Variants in PPP1R12A observed in about 807,000 individuals in gnomAD.
PPP1R12A encodes myosin binding subunit.
PPP1R12A carries 19 observed loss-of-function variants against 139.6 expected under a neutral mutation model. The observed-to-expected ratio is 0.14, with a 90% CI of 0.09 to 0.20. PPP1R12A has a LOEUF of 0.20. Among genes scored for constraint, PPP1R12A ranks in the 10% least tolerant of loss-of-function variants. The pLI is 1.00. For missense variants in PPP1R12A, 925 were observed against 1,211.5 expected, an observed-to-expected ratio of 0.76 and a Z score of 3.51; for synonymous variants, 427 against 420.6, an observed-to-expected ratio of 1.02 and a Z score of -0.19.
At chr12:79,818,976 A>G (rs1262557456) in intron 8 of PPP1R12A, 2 of 152,202 alleles carry the variant, frequency 1.3e-5, no homozygotes, top group Non-Finnish European at 2.9e-5. Flanking sequence ...AGCCTAGCTG[A>G]TATTAAGAGA....
chr12:79,780,360 G>C (rs989460163), intron 23 of PPP1R12A: 20 of 152,050 alleles, frequency 1.3e-4, no homozygotes, highest in African/African-American at 4.8e-4. Context: ...ATTATAGAGA[G>C]TGGATTAGCT....
chr12:79,885,475 A>T (rs114223540), intron 1 of PPP1R12A, among the ~76,000 whole-genome samples: 1,809 of 152,278 alleles, frequency 0.012, 36 homozygotes, highest in African/African-American at 0.042. Context: ...AAGAATTGTC[A>T]AATATTCCTT....
chr12:79,779,327 G>T (rs1453015880), intron 23 of PPP1R12A: 3 of 1,289,068 alleles, frequency 2.3e-6, no homozygotes, highest in Non-Finnish European at 3.0e-6. Context: ...ATACCGCCCA[G>T]AAGATACTGA....
intron 9 of PPP1R12A, among the ~76,000 whole-genome samples, chr12:79,812,624 C>T (rs1207910034): frequency 2.6e-5 from 4 of 152,018 alleles, no homozygotes; most frequent in Non-Finnish European, 5.9e-5. Context: ...ATTCTCCAGT[C>T]CAGTCTCCTA....
chr12:79,795,757 C>G lies in PPP1R12A; in HGVS notation c.2464G>C (p.Gly822Arg). ...RGITKENERE[G>R]EKREEEKEGE... ...TCTTTCTCCTCTTCTCTTTTTTCTC[C>G]CTCTGTTAAGGATTGCAATGAACCA... is the stretch of plus-strand genomic sequence containing the variant. The change falls in exon 18 of 25, where the codon GGA (glycine) becomes CGA (arginine). Residue 822 changes from glycine (G) to arginine (R), a missense_variant and splice_region_variant. By Grantham distance (125) the Gly-to-Arg change is moderately radical (BLOSUM62 -2). This residue lies in a region of PPP1R12A where 315 missense variants were observed against 363.4 expected (regional missense o/e 0.87). Transcript: ENST00000450142. 1 of 1,609,532 alleles carries G rather than the reference C, an allele frequency of 6.2e-7. No individual in the cohort carries two copies. Among genetic ancestry groups the G allele is most frequent in the Non-Finnish European group, 8.5e-7 (1 of 1,177,788 alleles).
intron 19 of PPP1R12A, among the ~76,000 whole-genome samples, chr12:79,792,590 C>A (rs1055151088): frequency 2.0e-5 from 3 of 152,106 alleles, no homozygotes; most frequent in Non-Finnish European, 4.4e-5. Flanking sequence ...AAACAATGTT[C>A]CTCTTCATCT....
At chr12:79,922,423 T>G (rs1887510169) in intron 1 of PPP1R12A, among the ~76,000 whole-genome samples, 1 of 152,184 alleles carries the variant, frequency 6.6e-6, no homozygotes. Flanking sequence ...AAATGCCTTT[T>G]GCAGACTTAG....
chr12:79,780,147 T>C (rs1300795615), intron 23 of PPP1R12A: 1 of 152,006 alleles, frequency 6.6e-6, no homozygotes, highest in African/African-American at 2.4e-5. Context: ...GAGGATGCAG[T>C]GATCGGTGAC....
intron 1 of PPP1R12A, among the ~76,000 whole-genome samples, chr12:79,907,781 C>T (rs1263846788): frequency 1.3e-5 from 2 of 152,032 alleles, no homozygotes; most frequent in Admixed American, 1.3e-4. Flanking sequence ...GCCAGTAGTC[C>T]CAGCTACTCG....
intron 3 of PPP1R12A, among the ~76,000 whole-genome samples, chr12:79,843,441 G>A (rs566058874): frequency 2.0e-5 from 3 of 151,512 alleles, no homozygotes; most frequent in Admixed American, 1.3e-4. Context: ...AGCCAGGCAC[G>A]GTGGCAGGCG....
At chr12:79,918,713 GTCTC>G (rs1887193870) in intron 1 of PPP1R12A, among the ~76,000 whole-genome samples, 1 of 152,080 alleles carries the variant, frequency 6.6e-6, no homozygotes, top group Non-Finnish European at 1.5e-5. Flanking sequence ...TTCCTCAAAT[GTCTC>G]TCTACCTTCA....
chr12:79,855,916 G>A (rs112300052), intron 2 of PPP1R12A, among the ~76,000 whole-genome samples: 3 of 150,956 alleles, frequency 2.0e-5, no homozygotes, highest in Non-Finnish European at 2.9e-5. Flanking sequence ...AAAGGACTTA[G>A]AACAGTAAAA....
intron 3 of PPP1R12A, among the ~76,000 whole-genome samples, chr12:79,835,315 G>C (rs1018046794): frequency 5.9e-5 from 9 of 152,040 alleles, no homozygotes; most frequent in African/African-American, 2.2e-4. Context: ...TACTGGCTTT[G>C]AGCCAGCCAG....
chr12:79,807,449 AGG>A, intron 11 of PPP1R12A, 119 bp from the exon 12 acceptor site: 1 of 627,028 alleles, frequency 1.6e-6, no homozygotes, highest in South Asian at 1.9e-5. Flanking sequence ...GAGGACACTT[AGG>A]AATACTAATC....
At chr12:79,815,524 G>T (rs201242478) in intron 9 of PPP1R12A, among the ~76,000 whole-genome samples, 3 of 96,610 alleles carry the variant, frequency 3.1e-5, no homozygotes, top group Non-Finnish European at 6.8e-5. Flanking sequence ...GCCTCAAAAA[G>T]AAAAAAAAAA....
At chr12:79,934,474 C>G (rs1229190425) in intron 1 of PPP1R12A, among the ~76,000 whole-genome samples, 1 of 152,212 alleles carries the variant, frequency 6.6e-6, no homozygotes, top group East Asian at 1.9e-4. Context: ...TCACCCGGTT[C>G]CCAACTCCAC....
chr12:79,935,162 G>A (rs1192716338), upstream of PPP1R12A: 49 of 1,340,476 alleles, frequency 3.7e-5, no homozygotes, highest in African/African-American at 9.1e-5. Flanking sequence ...CCCCCAGCAC[G>A]GCCACCCGTC....
chr12:79,801,903 A>G (rs1873225387), intron 14 of PPP1R12A, among the ~76,000 whole-genome samples: 1 of 152,118 alleles, frequency 6.6e-6, no homozygotes, highest in Non-Finnish European at 1.5e-5. Context: ...TGAATGGGAC[A>G]TCCAACATAC....
intron 1 of PPP1R12A, among the ~76,000 whole-genome samples, chr12:79,886,270 T>TA (rs940202620): frequency 1.6e-4 from 24 of 152,140 alleles, no homozygotes; most frequent in African/African-American, 5.8e-4. Flanking sequence ...TACTAAATAA[T>TA]AAAAAAGAAA....
Sources: allele counts gnomAD v4.1 joint callset (sites outside exome capture counted in the v4.1 genomes callset), GRCh38; gene constraint gnomAD v4.1.1; regional missense constraint gnomAD v4.1.1; transcripts MANE v1.5; gene names NCBI Gene and HGNC (gene_info 2026-07-23, HGNC 2026-07-21).